Variants in MCC observed in about 807,000 individuals in gnomAD.
MCC encodes colorectal mutant cancer protein.
MCC carries 90 observed loss-of-function variants against 116.2 expected under a neutral mutation model. The observed-to-expected ratio is 0.77, with a 90% CI of 0.65 to 0.92. The LOEUF (loss-of-function observed/expected upper bound fraction) is 0.92, where lower values mean the gene tolerates loss of function less well. Ranked by LOEUF, MCC falls within the 40% of genes least tolerant of loss-of-function variation. The pLI, the probability that MCC is intolerant of heterozygous loss-of-function variation, is 0.00. For synonymous variants in MCC, 578 were observed against 510.5 expected (o/e 1.13, Z -1.78); for missense variants, 1,516 against 1,312.2 (o/e 1.16, Z -2.40).
At chr5:113,227,539 A>C (rs1336151018) in intron 3 of MCC, among the ~76,000 whole-genome samples, 1 of 152,176 alleles carries the variant, frequency 6.6e-6, no homozygotes, top group African/African-American at 2.4e-5. Flanking sequence ...TGTGGTGCTT[A>C]TTCATTCATG....
chr5:113,335,006 A>G (rs1473770894), intron 3 of MCC, among the ~76,000 whole-genome samples: 3 of 151,742 alleles, frequency 2.0e-5, no homozygotes, highest in Non-Finnish European at 4.4e-5. Context: ...CTAAAGGGTG[A>G]CAAGCATGCT....
chr5:113,183,687 C>T lies in MCC; in HGVS notation c.628-32265G>A, dbSNP rs531033268. On this transcript the variant is annotated intron_variant, in intron 3 of 18. Transcript: ENST00000408903. ...AGAGTTGGGCATCTGGAGAAGTGTGCAGACCCAAACAGCCCATCTCAAGAG... is the reference window on the plus strand; with the variant it reads ...AGAGTTGGGCATCTGGAGAAGTGTGTAGACCCAAACAGCCCATCTCAAGAG... Among the ~76,000 whole-genome samples the T allele has an allele frequency of 1.7e-4, 26 of 152,290 alleles. 1 individual carries two copies. The highest frequency in any genetic ancestry group is 6.3e-4 in the African/African-American group (26 of 41,558).
chr5:113,326,946 T>G (rs1028365330), intron 3 of MCC, among the ~76,000 whole-genome samples: 2 of 152,224 alleles, frequency 1.3e-5, no homozygotes, highest in Non-Finnish European at 2.9e-5. Flanking sequence ...TTGCAAGGAA[T>G]GCTTTTATAA....
chr5:113,335,554 A>G (rs1206383528), intron 3 of MCC, among the ~76,000 whole-genome samples: 3 of 151,760 alleles, frequency 2.0e-5, no homozygotes, highest in African/African-American at 4.9e-5. Flanking sequence ...AATCCATAAC[A>G]TTATAATTTA....
At chr5:113,147,801 G>A (rs1488428290) in intron 4 of MCC, among the ~76,000 whole-genome samples, 1 of 152,106 alleles carries the variant, frequency 6.6e-6, no homozygotes, top group Non-Finnish European at 1.5e-5. Flanking sequence ...GAATAGGAGA[G>A]GAATGGAATG....
chr5:113,149,268 G>A (rs1455519609), intron 4 of MCC, among the ~76,000 whole-genome samples: 2 of 150,394 alleles, frequency 1.3e-5, no homozygotes, highest in African/African-American at 4.9e-5. Context: ...AACAAAAAAA[G>A]CACTGAAAAA....
chr5:113,060,454 A>G (rs1331614925), intron 14 of MCC, among the ~76,000 whole-genome samples: 10 of 152,126 alleles, frequency 6.6e-5, no homozygotes, highest in Admixed American at 6.5e-5. Context: ...CGCCCGGCCT[A>G]GCAGCTCATT....
chr5:113,204,956 G>A (rs1226511652), intron 3 of MCC, among the ~76,000 whole-genome samples: 2 of 152,130 alleles, frequency 1.3e-5, no homozygotes, highest in Non-Finnish European at 2.9e-5. Context: ...TAACTCCCCC[G>A]TATTCAACAG....
At chr5:113,300,369 T>C (rs1164837604) in intron 3 of MCC, among the ~76,000 whole-genome samples, 1 of 152,180 alleles carries the variant, frequency 6.6e-6, no homozygotes, top group African/African-American at 2.4e-5. Flanking sequence ...AATTGTCCCC[T>C]TCTCCATTGA....
intron 1 of MCC, among the ~76,000 whole-genome samples, chr5:113,443,517 A>G (rs1354467560): frequency 6.6e-6 from 1 of 152,104 alleles, no homozygotes; most frequent in African/African-American, 2.4e-5. Flanking sequence ...CCCTGGCCAG[A>G]ATTTCCAACA....
chr5:113,219,505 G>A lies in MCC; in HGVS notation c.628-68083C>T, dbSNP rs1763460016. On this transcript the variant is annotated intron_variant, in intron 3 of 18. Coordinates refer to ENST00000408903, the MANE Select transcript of MCC (RefSeq NM_001085377.2). ...AATAGCTTATTTGAAAAAAGGTGAT[G>A]TTAAAACAGGATCTCAAAAATAGAT... Among the ~76,000 whole-genome samples the A allele has an allele frequency of 3.3e-5, 5 of 152,190 alleles. No homozygotes were observed. In the South Asian group the frequency reaches 1.0e-3, roughly 32 times the overall value.
At chr5:113,088,756 C>T (rs555422832) in intron 8 of MCC, among the ~76,000 whole-genome samples, 1 of 152,192 alleles carries the variant, frequency 6.6e-6, no homozygotes, top group Admixed American at 6.5e-5. Context: ...TGAGTTTGGA[C>T]TCCTAGACTC....
At chr5:113,159,672 C>G (rs1561413733) in intron 3 of MCC, among the ~76,000 whole-genome samples, 1 of 152,182 alleles carries the variant, frequency 6.6e-6, no homozygotes, top group Non-Finnish European at 1.5e-5. Context: ...ACTCCACACC[C>G]AGGTGTTCTA....
intron 1 of MCC, among the ~76,000 whole-genome samples, chr5:113,449,157 T>C (rs1381905749): frequency 1.3e-5 from 2 of 152,200 alleles, no homozygotes; most frequent in African/African-American, 4.8e-5. Context: ...CAAATATCCT[T>C]GGGTCAGAGA....
At chr5:113,282,367 T>G (rs1222766827) in intron 3 of MCC, among the ~76,000 whole-genome samples, 1 of 152,190 alleles carries the variant, frequency 6.6e-6, no homozygotes, top group Non-Finnish European at 1.5e-5. Flanking sequence ...TTTATCAGCA[T>G]CAGACACTTT....
chr5:113,299,519 T>G (rs1373716945), intron 3 of MCC, among the ~76,000 whole-genome samples: 1 of 152,096 alleles, frequency 6.6e-6, no homozygotes, highest in East Asian at 1.9e-4. Context: ...AGAATGCAAC[T>G]GGGTCAATAT....
chr5:113,022,583 T>C lies in MCC; in HGVS notation c.*4719A>G, dbSNP rs936431660. ...AACAAAAGCAGATTATCAGGGGCTCTTACTCACTTGCCATTCCTGACATGA... is the reference window on the plus strand; with the variant it reads ...AACAAAAGCAGATTATCAGGGGCTCCTACTCACTTGCCATTCCTGACATGA... On this transcript the variant is annotated 3_prime_UTR_variant, in exon 19 of 19. Coordinates refer to ENST00000408903, the MANE Select transcript of MCC (RefSeq NM_001085377.2). The C allele has an allele frequency of 6.6e-6, 1 of 152,144 alleles. No homozygotes were observed. Among genetic ancestry groups the C allele is most frequent in the African/African-American group, 2.4e-5 (1 of 41,386 alleles). The allele number at this position is 152,144 out of a possible 1,614,324, so 9.4% of individuals were successfully genotyped here.
At chr5:113,400,193 G>T (rs569843584) in intron 1 of MCC, among the ~76,000 whole-genome samples, 2 of 130,038 alleles carry the variant, frequency 1.5e-5, no homozygotes, top group South Asian at 4.6e-4. Context: ...TGCGATCTTG[G>T]CTCACTGAAA....
At chr5:113,153,575 G>A (rs1393543606) in intron 3 of MCC, among the ~76,000 whole-genome samples, 1 of 152,244 alleles carries the variant, frequency 6.6e-6, no homozygotes, top group African/African-American at 2.4e-5. Flanking sequence ...GATGGAAGGT[G>A]CCTATGTATG....
Sources: allele counts gnomAD v4.1 joint callset (sites outside exome capture counted in the v4.1 genomes callset), GRCh38; gene constraint gnomAD v4.1.1; transcripts MANE v1.5; gene names NCBI Gene and HGNC (gene_info 2026-07-23, HGNC 2026-07-21).